The following THNSL1 variants were observed in gnomAD, a reference collection of about 807,000 sequenced individuals.
The protein encoded by THNSL1 is threonine synthase like 1, also known as threonine synthase-like 1.
In THNSL1, 48 loss-of-function variants were observed where a neutral mutation model predicts 50.4. That is an observed-to-expected ratio of 0.95 (90% confidence interval 0.76 to 1.21). The LOEUF is 1.21. THNSL1 is among the 50% of genes most tolerant of loss of function. The pLI, the probability that THNSL1 is intolerant of heterozygous loss-of-function variation, is 0.00. For missense variants in THNSL1, 896 were observed against 871.7 expected (o/e 1.03, Z -0.35); for synonymous variants, 309 against 306.1 (o/e 1.01, Z -0.10).
At chr10:24,955,521 A>G in the THNSL1 span, among the ~76,000 whole-genome samples, 3 of 152,246 alleles carry the variant, frequency 2.0e-5, no homozygotes, top group African/African-American at 7.2e-5. Context: ...TGAATGTGAG[A>G]TAACATGCAA....
upstream of THNSL1, among the ~76,000 whole-genome samples, chr10:25,013,482 G>A (rs1044044143): frequency 1.1e-4 from 17 of 152,250 alleles, no homozygotes; most frequent in Non-Finnish European, 4.4e-5. Context: ...GGACATGACT[G>A]TCAAAATGCT....
the THNSL1 span, among the ~76,000 whole-genome samples, chr10:24,965,775 A>G: frequency 1.3e-5 from 2 of 152,178 alleles, no homozygotes; most frequent in East Asian, 3.9e-4. Context: ...GTTCACTAAT[A>G]AGCTACAGAA....
rs906918550 is a variant in THNSL1 at position 25,016,681 on chromosome 10, A to T, written c.-227A>T. 9.2e-5 allele frequency: 14 copies of T among 152,252 alleles called. No homozygotes were observed. The highest frequency in any genetic ancestry group is 2.6e-4 in the Admixed American group (4 of 15,274). 9.4% of individuals were successfully genotyped at this position (152,252 alleles called of 1,614,324 possible). On this transcript the variant is annotated 5_prime_UTR_variant, in exon 1 of 3. Transcript: ENST00000376356. The stretch of plus-strand genomic sequence containing the variant: ...CCACTGCGCGGGGGCGGGACCGGGG[A>T]GCTAGCTGCAGGTACGGTGCTCCGT...
At chr10:24,967,640 A>G in the THNSL1 span, among the ~76,000 whole-genome samples, 5 of 150,342 alleles carry the variant, frequency 3.3e-5, no homozygotes, top group Non-Finnish European at 7.4e-5. Context: ...AATGACTCCT[A>G]TGTGCGTGTG....
At chr10:24,986,438 GTTC>G in the THNSL1 span, among the ~76,000 whole-genome samples, 1 of 152,156 alleles carries the variant, frequency 6.6e-6, no homozygotes, top group African/African-American at 2.4e-5. Flanking sequence ...AGGCTACACA[GTTC>G]TTGACAGTGT....
At chr10:24,984,331 T>G in the THNSL1 span, 1 of 1,583,470 alleles carries the variant, frequency 6.3e-7, no homozygotes, top group African/African-American at 1.4e-5. Context: ...TATTTCCAGT[T>G]CAAAATACTT....
chr10:24,993,104 G>A, the THNSL1 span, among the ~76,000 whole-genome samples: 1 of 152,076 alleles, frequency 6.6e-6, no homozygotes, highest in Non-Finnish European at 1.5e-5. Flanking sequence ...GACCAGCCTG[G>A]GCAACATAGT....
chr10:24,999,489 T>G, the THNSL1 span: 1 of 1,613,298 alleles, frequency 6.2e-7, no homozygotes, highest in Non-Finnish European at 8.5e-7. Flanking sequence ...TAGTTTTCAT[T>G]GCAGTTTTAG....
rs1368640679 is a variant in THNSL1, at chr10:25,024,689, A to G, written c.1466A>G (p.Asp489Gly). 6.2e-7 allele frequency: 1 copy of G among 1,614,080 alleles called. No individual in the cohort carries two copies. Among genetic ancestry groups the G allele is most frequent in the South Asian group, 1.1e-5 (1 of 91,086 alleles). Residue 489 changes from aspartate (D) to glycine (G), a missense_variant, in exon 3 of 3, where the codon GAT (aspartate) becomes GGT (glycine). Physicochemically the swap from Asp to Gly is moderately conservative, Grantham distance 94 (BLOSUM62 -1). Coordinates refer to ENST00000376356, the MANE Select transcript of THNSL1 (RefSeq NM_024838.5). ...GTTTATCATGCTTCCGCATATCTTG[A>G]TCTTGTTAGTCAAGGATTTATTTCT... ...QVVYHASAYL[D>G]LVSQGFISFG...
At chr10:24,980,829 G>A in the THNSL1 span, among the ~76,000 whole-genome samples, 41 of 152,198 alleles carry the variant, frequency 2.7e-4, no homozygotes, top group Admixed American at 1.6e-3. Context: ...CAATTCTCCT[G>A]CCTCAGCCTC....
the THNSL1 span, among the ~76,000 whole-genome samples, chr10:24,953,910 G>A: frequency 3.9e-5 from 6 of 152,188 alleles, no homozygotes; most frequent in African/African-American, 7.2e-5. Context: ...AAGCGCCAGC[G>A]CCTTGGAGGG....
At chr10:25,020,355 T>C (rs1484776585) in intron 1 of THNSL1, among the ~76,000 whole-genome samples, 2 of 151,900 alleles carry the variant, frequency 1.3e-5, no homozygotes, top group East Asian at 1.9e-4. Flanking sequence ...AACTAACATA[T>C]AGGAAAAGTA....
the THNSL1 span, among the ~76,000 whole-genome samples, chr10:24,993,431 G>C: frequency 6.6e-6 from 1 of 152,328 alleles, no homozygotes; most frequent in East Asian, 1.9e-4. Context: ...GGCAGAGTTA[G>C]ACTTTGAAAG....
chr10:24,961,535 C>CT, the THNSL1 span, among the ~76,000 whole-genome samples: 24 of 150,322 alleles, frequency 1.6e-4, no homozygotes, highest in Admixed American at 4.0e-4. Context: ...ATATTAGTGT[C>CT]TTTTTTTTTC....
the THNSL1 span, among the ~76,000 whole-genome samples, chr10:24,985,472 G>T: frequency 6.6e-6 from 1 of 152,070 alleles, no homozygotes; most frequent in African/African-American, 2.4e-5. Flanking sequence ...AGAACCAATT[G>T]CCCTCCATAT....
the THNSL1 span, among the ~76,000 whole-genome samples, chr10:24,963,275 C>T: frequency 6.6e-6 from 1 of 152,166 alleles, no homozygotes; most frequent in Non-Finnish European, 1.5e-5. Flanking sequence ...TACCTTTCAC[C>T]GTGTTAGTCA....
chr10:24,993,198 CA>C, the THNSL1 span, among the ~76,000 whole-genome samples: 1 of 152,114 alleles, frequency 6.6e-6, no homozygotes, highest in Non-Finnish European at 1.5e-5. Context: ...AAAAAACTCA[CA>C]AATGAGCAAA....
the THNSL1 span, among the ~76,000 whole-genome samples, chr10:24,960,505 C>T: frequency 2.0e-5 from 3 of 152,068 alleles, no homozygotes; most frequent in Non-Finnish European, 4.4e-5. Context: ...CAGCTCACTG[C>T]AACCTCCACC....
the THNSL1 span, among the ~76,000 whole-genome samples, chr10:24,966,738 T>A: frequency 6.6e-6 from 1 of 152,224 alleles, no homozygotes; most frequent in African/African-American, 2.4e-5. Flanking sequence ...ACCTCTATTA[T>A]GAATTATTGA....
Sources: allele counts gnomAD v4.1 joint callset (sites outside exome capture counted in the v4.1 genomes callset), GRCh38; gene constraint gnomAD v4.1.1; transcripts MANE v1.5; gene names NCBI Gene and HGNC (gene_info 2026-07-23, HGNC 2026-07-21).